Variants in LAP3 observed in about 807,000 individuals in gnomAD.
The protein encoded by LAP3 is cytosol aminopeptidase.
A neutral mutation model predicts 58.8 loss-of-function variants in LAP3; 46 were observed. That is an observed-to-expected ratio of 0.78 (90% CI 0.62 to 1.00). LAP3 has a LOEUF of 1.00. Ranked by LOEUF, LAP3 falls within the 50% of genes least tolerant of loss-of-function variation. The pLI is 0.00. For missense variants in LAP3, 615 were observed against 659.1 expected, an observed-to-expected ratio of 0.93 and a Z score of 0.73; for synonymous variants, 257 against 237.7, an observed-to-expected ratio of 1.08 and a Z score of -0.75.
chr4:17,577,870 G>A (rs750259311), intron 1 of LAP3, among the ~76,000 whole-genome samples: 38 of 152,200 alleles, frequency 2.5e-4, no homozygotes, highest in Non-Finnish European at 4.4e-4. Context: ...AGTAACCCGG[G>A]GAAAGACGCG....
At chr4:17,591,867 G>A (rs542088070) in intron 7 of LAP3, among the ~76,000 whole-genome samples, 13 of 152,212 alleles carry the variant, frequency 8.5e-5, no homozygotes, top group East Asian at 7.7e-4. Flanking sequence ...ACAGTTGGCC[G>A]TAACTGAAGG....
At chr4:17,593,696 C>T (rs1483539194) in intron 7 of LAP3, among the ~76,000 whole-genome samples, 2 of 142,192 alleles carry the variant, frequency 1.4e-5, no homozygotes, top group Non-Finnish European at 3.0e-5. Flanking sequence ...ACTGCAGCCT[C>T]GACCTCCCTG....
chr4:17,603,766 A>C (rs199720000), intron 10 of LAP3, among the ~76,000 whole-genome samples: 1 of 151,134 alleles, frequency 6.6e-6, no homozygotes, highest in Non-Finnish European at 1.5e-5. Context: ...CACCCGCCTC[A>C]GCCTCCCAAA....
intron 10 of LAP3, among the ~76,000 whole-genome samples, chr4:17,600,673 G>A (rs116250767): frequency 0.017 from 2,523 of 152,248 alleles, 82 homozygotes; most frequent in African/African-American, 0.058. Flanking sequence ...ACCACACCAG[G>A]TGATGGTTCC....
chr4:17,582,200 C>T (rs144004186), intron 3 of LAP3, 88 bp from the exon 4 acceptor site: 7 of 1,000,572 alleles, frequency 7.0e-6, no homozygotes, highest in Non-Finnish European at 9.3e-6. Context: ...TGTGTGGGAG[C>T]TCAGTGAGTC....
intron 10 of LAP3, 139 bp from the exon 11 acceptor site, chr4:17,604,449 A>G (rs945630515): frequency 1.6e-6 from 1 of 623,204 alleles, no homozygotes; most frequent in Non-Finnish European, 2.9e-6. Flanking sequence ...TATGTACAGG[A>G]AAGATTTCCT....
At position 17,582,393 on chromosome 4, in the gene LAP3, G is replaced by T; in HGVS notation, c.379G>T (p.Ala127Ser). 1.2e-6 allele frequency: 2 copies of T among 1,608,712 alleles called. No individual in the cohort carries two copies. The highest frequency in any genetic ancestry group is 1.7e-6 in the Non-Finnish European group (2 of 1,176,340). ...AGAAAACATCAGAGCTGCTGTTGCAGGTTATTTCACTTTTTAAGTTTAAAG... is the reference window on the plus strand; with the variant it reads ...AGAAAACATCAGAGCTGCTGTTGCATGTTATTTCACTTTTTAAGTTTAAAG... ...GKENIRAAVAAGCRQIQDLEL... is the reference protein window; with the variant it reads ...GKENIRAAVASGCRQIQDLEL... The change falls in exon 4 of 13, where the codon GCG becomes TCG. Residue 127 changes from alanine to serine, a missense_variant and splice_region_variant. Ala to Ser is a moderately conservative substitution (Grantham distance 99). Transcript: ENST00000226299.
intron 12 of LAP3, 151 bp from the exon 13 acceptor site, chr4:17,607,249 A>G (rs1423320838): frequency 1.6e-6 from 1 of 630,448 alleles, no homozygotes; most frequent in Non-Finnish European, 2.7e-6. Context: ...TCTGAAAATA[A>G]ATATTCTGAA....
intron 7 of LAP3, among the ~76,000 whole-genome samples, chr4:17,595,090 A>C (rs1713796599): frequency 6.8e-6 from 1 of 148,124 alleles, no homozygotes; most frequent in African/African-American, 2.5e-5. Flanking sequence ...CGAGGTCAGG[A>C]GATCGAGACC....
At chr4:17,589,466 C>T (rs1175771125) in intron 7 of LAP3, among the ~76,000 whole-genome samples, 4 of 152,104 alleles carry the variant, frequency 2.6e-5, no homozygotes, top group African/African-American at 7.2e-5. Flanking sequence ...CAGAGACTAT[C>T]AGGTATTTTG....
Position 17,582,448 on chromosome 4 carries a change from C to G in LAP3, c.379+55C>G, listed in dbSNP as rs1295159343. On this transcript the variant is annotated intron_variant, in intron 4 of 12. Coordinates refer to ENST00000226299, the MANE Select transcript of LAP3 (RefSeq NM_015907.3). ...CTGAGGATCCACTCTTTTTGATGAC[C>G]TCTCTTTCCCCTTTTTGTCCTTTTA... is the stretch of plus-strand genomic sequence containing the variant. 3 of 1,343,152 alleles carry G rather than the reference C, an allele frequency of 2.2e-6. No homozygotes were observed. The African/African-American group carries it at 4.3e-5, about 19-fold the overall frequency. The allele number at this position is 1,343,152 out of a possible 1,614,324, so 83.2% of individuals were successfully genotyped here.
At chr4:17,580,107 C>T (rs1305747338) in intron 2 of LAP3, among the ~76,000 whole-genome samples, 168 bp downstream of exon 2, 4 of 136,720 alleles carry the variant, frequency 2.9e-5, no homozygotes, top group Non-Finnish European at 4.6e-5. Flanking sequence ...AGGTGGTTCT[C>T]GTGCCTCAGA....
At chr4:17,591,984 A>T (rs573910857) in intron 7 of LAP3, among the ~76,000 whole-genome samples, 2 of 151,944 alleles carry the variant, frequency 1.3e-5, no homozygotes, top group Non-Finnish European at 2.9e-5. Context: ...GGGGGGGTGC[A>T]GTGGCATACA....
At chr4:17,598,596 A>G (rs756710357) in intron 10 of LAP3, 38 bp downstream of exon 10, 3 of 1,452,932 alleles carry the variant, frequency 2.1e-6, no homozygotes, top group Non-Finnish European at 2.9e-6. Context: ...GTTTGAAGGA[A>G]GTCTTGTTCG....
chr4:17,587,741 G>T (rs1015101744), intron 6 of LAP3: 1 of 152,078 alleles, frequency 6.6e-6, no homozygotes, highest in Non-Finnish European at 1.5e-5. Flanking sequence ...TTTCCATTCT[G>T]TTACCCCACC....
In LAP3 at chr4:17,577,420, CT is replaced by C. The variant is rs1713226782; in HGVS notation, c.-45del. 1 of 1,450,420 alleles carries C rather than the reference CT, an allele frequency of 6.9e-7. No homozygotes were observed. The highest frequency in any genetic ancestry group is 9.3e-7 in the Non-Finnish European group (1 of 1,080,022). 89.8% of individuals were successfully genotyped at this position (1,450,420 alleles called of 1,614,324 possible). On this transcript the variant is annotated 5_prime_UTR_variant, in exon 1 of 13. Coordinates refer to ENST00000226299, the MANE Select transcript of LAP3 (RefSeq NM_015907.3). ...CCCCAAGGCGCGCCCGCCCACCGCT[CT>C]CCACGTGCTCGCTGGAGGGCGGTGC...
chr4:17,596,060 A>G (rs1030345769), intron 8 of LAP3, among the ~76,000 whole-genome samples: 74 of 152,248 alleles, frequency 4.9e-4, no homozygotes, highest in African/African-American at 1.7e-3. Flanking sequence ...AGAGAGTCTT[A>G]GGTTAAATAA....
At position 17,597,133 on chromosome 4, in the gene LAP3, A is replaced by C; in HGVS notation, c.1076A>C (p.Gln359Pro). 1 of 1,613,868 alleles carries C rather than the reference A, an allele frequency of 6.2e-7. No homozygotes were observed. Among genetic ancestry groups the C allele is most frequent in the Non-Finnish European group, 8.5e-7 (1 of 1,179,710 alleles). Residue 359 changes from glutamine (Q) to proline (P), a missense_variant and splice_region_variant, in exon 9 of 13, where the codon CAG becomes CCG. Physicochemically the swap from Gln to Pro is moderately conservative, Grantham distance 76. Coordinates refer to ENST00000226299, the MANE Select transcript of LAP3 (RefSeq NM_015907.3). The part of the protein sequence containing the change: ...VVRAKNGKTI[Q>P]VDNTDAEGRL... ...AGAGCCAAAAACGGGAAGACCATCC[A>C]GGTTTGTAAATGTGAGACACAGCAC...
intron 10 of LAP3, among the ~76,000 whole-genome samples, chr4:17,599,720 T>C (rs547612404): frequency 3.3e-5 from 5 of 151,962 alleles, no homozygotes; most frequent in Non-Finnish European, 7.4e-5. Context: ...TTTTTTTTTT[T>C]CTTCTGGAAC....
Sources: allele counts gnomAD v4.1 joint callset (sites outside exome capture counted in the v4.1 genomes callset), GRCh38; gene constraint gnomAD v4.1.1; transcripts MANE v1.5; gene names NCBI Gene and HGNC (gene_info 2026-07-23, HGNC 2026-07-21).